VNN1: variants seen among roughly 807,000 people sequenced by gnomAD.
VNN1 encodes vanin 1.
VNN1 carries 29 observed loss-of-function variants against 41.9 expected under a neutral mutation model. The ratio of observed to expected loss-of-function variants is 0.69; its 90% CI spans 0.52 to 0.94. The LOEUF (loss-of-function observed/expected upper bound fraction) is 0.94. VNN1 is among the 40% of genes least tolerant of loss of function. The pLI, the probability that VNN1 is intolerant of heterozygous loss-of-function variation, is 0.00. For missense variants in VNN1, 637 were observed against 621.1 expected (o/e 1.03, Z -0.27); for synonymous variants, 233 against 224.4 (o/e 1.04, Z -0.34).
In VNN1 at chr6:132,708,278, G is replaced by T. The variant is rs115684793; in HGVS notation, c.341+3431C>A. Among the ~76,000 whole-genome samples, 1,139 of 152,250 alleles carry T rather than the reference G, an allele frequency of 7.5e-3. 15 individuals carry two copies. Among genetic ancestry groups the T allele is most frequent in the African/African-American group, 0.026 (1,082 of 41,536 alleles). On this transcript the variant is annotated intron_variant, in intron 2 of 6. Coordinates refer to ENST00000367928, the MANE Select transcript of VNN1 (RefSeq NM_004666.3). ...TATACTTAACATCCAGTTGTAATGA[G>T]CAGCTCTTTACCATGATGCCTCATA... is the stretch of plus-strand genomic sequence containing the variant.
rs1023024781 is a variant in VNN1 at position 132,682,044 on chromosome 6, C to A, written c.*1096G>T. ...TATTTTGGCTTAAATGATGTTGTTT[C>A]ACTGAGTTGTGTAATGTCAAGAGAT... On this transcript the variant is annotated 3_prime_UTR_variant, in exon 7 of 7. Coordinates refer to ENST00000367928, the MANE Select transcript of VNN1 (RefSeq NM_004666.3). The A allele has an allele frequency of 1.3e-5, 2 of 152,186 alleles. No homozygotes were observed. The highest frequency in any genetic ancestry group is 2.9e-5 in the Non-Finnish European group (2 of 68,036). The allele number at this position is 152,186 out of a possible 1,614,324, so 9.4% of individuals were successfully genotyped here.
chr6:132,708,427 C>T (rs1244268506), intron 2 of VNN1, among the ~76,000 whole-genome samples: 3 of 152,012 alleles, frequency 2.0e-5, no homozygotes, highest in African/African-American at 7.3e-5. Flanking sequence ...CATATAAATG[C>T]TAAATAAATT....
chr6:132,711,551 A>G (rs1237726637), intron 2 of VNN1, among the ~76,000 whole-genome samples, 158 bp downstream of exon 2: 1 of 152,194 alleles, frequency 6.6e-6, no homozygotes, highest in Non-Finnish European at 1.5e-5. Context: ...CATAATTCAT[A>G]TTTGCTCTCC....
At chr6:132,712,374 T>C (rs1328384335) in intron 1 of VNN1, among the ~76,000 whole-genome samples, 3 of 152,180 alleles carry the variant, frequency 2.0e-5, no homozygotes, top group African/African-American at 7.2e-5. Context: ...GGTCTTGAAC[T>C]CCCAACCTCA....
At chr6:132,697,805 C>A (rs564273303) in intron 2 of VNN1, among the ~76,000 whole-genome samples, 67 of 152,180 alleles carry the variant, frequency 4.4e-4, no homozygotes, top group African/African-American at 1.6e-3. Flanking sequence ...TAAGAAAGAA[C>A]AACCGTTCAA....
intron 2 of VNN1, among the ~76,000 whole-genome samples, chr6:132,706,574 A>G (rs1297107893): frequency 6.6e-6 from 1 of 152,168 alleles, no homozygotes; most frequent in Non-Finnish European, 1.5e-5. Context: ...CTTTGGGGAA[A>G]CTCTCCAGGA....
chr6:132,691,093 G>A (rs1778278112), intron 5 of VNN1, among the ~76,000 whole-genome samples: 1 of 152,220 alleles, frequency 6.6e-6, no homozygotes, highest in South Asian at 2.1e-4. Flanking sequence ...TATTGCAGAA[G>A]CCCAGGATAT....
rs2019164 is a variant in VNN1 at position 132,694,119 on chromosome 6, A to G, written c.405T>C (p.Val135=). ...GCTTCTTGTCCCCAATATTTGCCAC[A>G]ACATAGATAGAGTTGTTCTTGGCCA... ...SCLAKNNSIY[V]VANIGDKKPC... Residue 135 remains valine, a synonymous_variant, in exon 3 of 7, where the codon GTT becomes GTC. Coordinates refer to ENST00000367928, the MANE Select transcript of VNN1 (RefSeq NM_004666.3). 6.4e-3 allele frequency: 10,374 copies of G among 1,614,034 alleles called. 574 individuals carry two copies. In the African/African-American group the frequency reaches 0.12, roughly 19 times the overall value.
At chr6:132,694,289 T>A (rs1037414745) in intron 2 of VNN1, 107 bp from the exon 3 acceptor site, 58 of 1,072,864 alleles carry the variant, frequency 5.4e-5, no homozygotes, top group Non-Finnish European at 7.5e-5. Context: ...TATGCAAAAG[T>A]AAATTCTAAA....
At chr6:132,703,346 A>G (rs1778474758) in intron 2 of VNN1, among the ~76,000 whole-genome samples, 1 of 148,710 alleles carries the variant, frequency 6.7e-6, no homozygotes, top group South Asian at 2.1e-4. Flanking sequence ...ATAATTATAA[A>G]AGCTTTTTAA....
chr6:132,709,655 C>G (rs1223572733), intron 2 of VNN1, among the ~76,000 whole-genome samples: 1 of 112,742 alleles, frequency 8.9e-6, no homozygotes, highest in Non-Finnish European at 1.7e-5. Flanking sequence ...CACAGAGTCT[C>G]TCTCTCAAAA....
chr6:132,683,164 A>T lies in VNN1; in HGVS notation c.1518T>A (p.Pro506=). 6.2e-7 allele frequency: 1 copy of T among 1,610,738 alleles called. No homozygotes were observed. The highest frequency in any genetic ancestry group is 8.5e-7 in the Non-Finnish European group (1 of 1,178,948). The change falls in exon 7 of 7, where the codon CCT becomes CCA. Residue 506 remains proline, a synonymous_variant. Transcript: ENST00000367928. ...ARIIMLIVIA[P]IVCSLSW is the part of the protein sequence containing the mutation. ...TCTACCAACTTAATGAGCATACAAT[A>T]GGTGCTATAACTATTAGCATTATTA... is the stretch of plus-strand genomic sequence containing the variant.
At chr6:132,685,285 C>A (rs562183821) in intron 5 of VNN1, among the ~76,000 whole-genome samples, 1 of 152,302 alleles carries the variant, frequency 6.6e-6, no homozygotes, top group South Asian at 2.1e-4. Flanking sequence ...AAAAGGAGAT[C>A]CATATTCATT....
chr6:132,692,917 C>G, intron 4 of VNN1, 107 bp downstream of exon 4: 1 of 1,265,694 alleles, frequency 7.9e-7, no homozygotes, highest in Non-Finnish European at 1.0e-6. Context: ...AAATTAAGAG[C>G]TGGAAAACAT....
chr6:132,698,346 C>T (rs1778401704), intron 2 of VNN1, among the ~76,000 whole-genome samples: 1 of 152,190 alleles, frequency 6.6e-6, no homozygotes, highest in East Asian at 1.9e-4. Context: ...GTTAAATATT[C>T]AACAAATATG....
At chr6:132,706,336 C>T (rs1177133674) in intron 2 of VNN1, among the ~76,000 whole-genome samples, 1 of 152,000 alleles carries the variant, frequency 6.6e-6, no homozygotes, top group African/African-American at 2.4e-5. Flanking sequence ...GAAGAGAGAA[C>T]CCAGAAATAA....
chr6:132,706,777 C>T (rs182656277), intron 2 of VNN1, among the ~76,000 whole-genome samples: 162 of 151,992 alleles, frequency 1.1e-3, no homozygotes, highest in African/African-American at 3.7e-3. Flanking sequence ...GATTCATAAC[C>T]GGAATATGTA....
In VNN1 at chr6:132,711,802, T is replaced by C. The variant is rs1332852403; in HGVS notation, c.248A>G (p.Tyr83Cys). 1.2e-6 allele frequency: 2 copies of C among 1,613,980 alleles called. No individual in the cohort carries two copies. Among genetic ancestry groups the C allele is most frequent in the Non-Finnish European group, 1.7e-6 (2 of 1,179,984 alleles). The part of the protein sequence containing the change: ...HIIVTPEDAI[Y>C]GWNFNRDSLY... ...AGAGTCCCTGTTGAAGTTCCAGCCA[T>C]AAATAGCATCTTCTGGAGTCACAAT... Residue 83 changes from tyrosine (Y) to cysteine (C), a missense_variant, in exon 2 of 7, where the codon TAT becomes TGT. Tyr to Cys is a radical substitution (Grantham distance 194). Transcript: ENST00000367928.
At chr6:132,691,989 G>A (rs1455826472) in intron 5 of VNN1, among the ~76,000 whole-genome samples, 1 of 149,220 alleles carries the variant, frequency 6.7e-6, no homozygotes, top group Non-Finnish European at 1.5e-5. Context: ...GGGCTACAGA[G>A]TGAGACTCTG....
Sources: allele counts gnomAD v4.1 joint callset (sites outside exome capture counted in the v4.1 genomes callset), GRCh38; gene constraint gnomAD v4.1.1; transcripts MANE v1.5; gene names NCBI Gene and HGNC (gene_info 2026-07-23, HGNC 2026-07-21).